DLGAP2: variants seen among roughly 807,000 people sequenced by gnomAD.
DLGAP2 encodes the protein DLG associated protein 2.
A neutral mutation model predicts 100.3 loss-of-function variants in DLGAP2; 26 were observed. The observed-to-expected ratio is 0.26, with a 90% CI of 0.19 to 0.36. The LOEUF is 0.36. Among genes scored for constraint, DLGAP2 ranks in the 10% least tolerant of loss-of-function variants. DLGAP2 has a pLI of 1.00. For synonymous variants in DLGAP2, 886 were observed against 630.1 expected, an observed-to-expected ratio of 1.41 and a Z score of -6.08; for missense variants, 1,858 against 1,453.2, an observed-to-expected ratio of 1.28 and a Z score of -4.53.
At chr8:1,129,816 T>G (rs1796247860) in intron 2 of DLGAP2, among the ~76,000 whole-genome samples, 1 of 152,194 alleles carries the variant, frequency 6.6e-6, no homozygotes, top group South Asian at 2.1e-4. Flanking sequence ...CCTGGATTCA[T>G]GTCTGGGAGC....
chr8:1,582,186 C>G (rs1292277543), intron 6 of DLGAP2, among the ~76,000 whole-genome samples: 1 of 142,434 alleles, frequency 7.0e-6, no homozygotes, highest in Non-Finnish European at 1.5e-5. Context: ...GTGAAGGATA[C>G]AGACAAACCC....
At chr8:1,322,014 A>G (rs1410342807) in intron 3 of DLGAP2, among the ~76,000 whole-genome samples, 2 of 152,208 alleles carry the variant, frequency 1.3e-5, no homozygotes, top group Non-Finnish European at 2.9e-5. Context: ...ATTAGAATTT[A>G]TATCTTTTGT....
intron 2 of DLGAP2, among the ~76,000 whole-genome samples, chr8:1,245,011 C>T (rs891694193): frequency 1.3e-5 from 2 of 152,160 alleles, no homozygotes; most frequent in African/African-American, 4.8e-5. Context: ...CATCTTTGAC[C>T]AGCCAGGAAA....
chr8:849,749 C>T (rs979806794), intron 1 of DLGAP2, among the ~76,000 whole-genome samples: 1 of 152,134 alleles, frequency 6.6e-6, no homozygotes, highest in Non-Finnish European at 1.5e-5. Flanking sequence ...TTTACTCTTC[C>T]ATGAAATGTC....
chr8:737,928 G>A (rs1233294530), intron 1 of DLGAP2, 103 bp downstream of exon 1: 2 of 356,964 alleles, frequency 5.6e-6, no homozygotes, highest in Non-Finnish European at 1.0e-5. Context: ...CCCCGAGGGC[G>A]TCAGGGTTGG....
chr8:1,291,249 C>T (rs530135417), intron 3 of DLGAP2, among the ~76,000 whole-genome samples: 4 of 152,188 alleles, frequency 2.6e-5, no homozygotes, highest in Admixed American at 2.0e-4. Context: ...AAATCACAAA[C>T]CAAACATCTG....
At chr8:796,742 C>G (rs1796044096) in intron 1 of DLGAP2, among the ~76,000 whole-genome samples, 1 of 152,194 alleles carries the variant, frequency 6.6e-6, no homozygotes, top group Non-Finnish European at 1.5e-5. Flanking sequence ...TGTATGACGC[C>G]TTCATGGCCC....
chr8:958,408 C>T (rs1020839161), intron 2 of DLGAP2, among the ~76,000 whole-genome samples: 2 of 152,008 alleles, frequency 1.3e-5, no homozygotes, highest in Non-Finnish European at 2.9e-5. Context: ...TGCTCATCTC[C>T]CTCGGGAATG....
At chr8:1,488,407 G>A (rs1799285196) in intron 3 of DLGAP2, among the ~76,000 whole-genome samples, 1 of 152,214 alleles carries the variant, frequency 6.6e-6, no homozygotes, top group African/African-American at 2.4e-5. Context: ...GCCAGAAAAG[G>A]AGTGGCTTAA....
At chr8:905,602 T>G (rs186316772) in intron 1 of DLGAP2, among the ~76,000 whole-genome samples, 1 of 152,174 alleles carries the variant, frequency 6.6e-6, no homozygotes, top group Non-Finnish European at 1.5e-5. Flanking sequence ...TGCCTGTCCC[T>G]GACCCTAAAG....
intron 3 of DLGAP2, among the ~76,000 whole-genome samples, chr8:1,267,581 A>G (rs796234465): frequency 9.2e-5 from 6 of 64,956 alleles, no homozygotes; most frequent in Non-Finnish European, 1.5e-4. Context: ...AATAAAATAA[A>G]ATAAAATAAG....
intron 1 of DLGAP2, among the ~76,000 whole-genome samples, chr8:838,458 A>G (rs1796922581): frequency 6.6e-6 from 1 of 151,902 alleles, no homozygotes; most frequent in Admixed American, 6.5e-5. Flanking sequence ...TTCATTGTAC[A>G]GCCAGGGTTG....
intron 2 of DLGAP2, among the ~76,000 whole-genome samples, chr8:920,858 G>A (rs1269985856): frequency 6.6e-6 from 1 of 152,180 alleles, no homozygotes; most frequent in African/African-American, 2.4e-5. Context: ...GAAAAACTCT[G>A]TGAGGATGAG....
chr8:852,920 G>T (rs1293861057), intron 1 of DLGAP2, among the ~76,000 whole-genome samples: 2 of 152,204 alleles, frequency 1.3e-5, no homozygotes, highest in African/African-American at 2.4e-5. Flanking sequence ...ACAGATTTTG[G>T]TAAAACTGGC....
intron 1 of DLGAP2, among the ~76,000 whole-genome samples, chr8:746,622 G>C (rs1820624233): frequency 6.6e-6 from 1 of 152,396 alleles, no homozygotes; most frequent in East Asian, 1.9e-4. Context: ...ATGTGGATCA[G>C]AATGCCAGCT....
Position 1,542,644 on chromosome 8 carries a change from G to A in DLGAP2, c.173-5982G>A, listed in dbSNP as rs138980285. The stretch of plus-strand genomic sequence containing the variant: ...CCCATGTTTGTCCATTCATCCGTCG[G>A]GCAGCATTGAGGTCGTCTCCACTTT... On this transcript the variant is annotated intron_variant, in intron 4 of 14. Coordinates refer to ENST00000637795, the MANE Select transcript of DLGAP2 (RefSeq NM_001346810.2). 1.9e-3 allele frequency among the ~76,000 whole-genome samples: 282 copies of A among 152,282 alleles called. 1 individual carries two copies. Among genetic ancestry groups the A allele is most frequent in the Middle Eastern group, 6.8e-3 (2 of 294 alleles).
At chr8:1,540,564 A>G (rs899840275) in intron 4 of DLGAP2, among the ~76,000 whole-genome samples, 10 of 152,312 alleles carry the variant, frequency 6.6e-5, no homozygotes, top group Admixed American at 6.5e-4. Context: ...AGTGACCATA[A>G]TGTAGCAAAC....
chr8:1,178,620 G>T (rs537398548), intron 2 of DLGAP2, among the ~76,000 whole-genome samples: 1 of 152,018 alleles, frequency 6.6e-6, no homozygotes, highest in South Asian at 2.1e-4. Context: ...ACTTAATTTT[G>T]CCCAGATTCT....
chr8:932,855 A>AC (rs1252545666), intron 2 of DLGAP2, among the ~76,000 whole-genome samples: 1 of 152,246 alleles, frequency 6.6e-6, no homozygotes, highest in Non-Finnish European at 1.5e-5. Flanking sequence ...AATGTTGATA[A>AC]CCAACAGTTT....
Sources: gnomAD v4.1 joint callset for allele counts (sites outside exome capture counted in the v4.1 genomes callset) on GRCh38, gnomAD v4.1.1 for gene constraint, MANE v1.5 for transcripts, NCBI Gene and HGNC (gene_info 2026-07-23, HGNC 2026-07-21) for gene names.